KCNMA1: variants seen among roughly 807,000 people sequenced by gnomAD.
KCNMA1 encodes the protein Calcium-activated potassium channel subunit alpha-1.
A neutral mutation model predicts 140.0 loss-of-function variants in KCNMA1; 29 were observed. That is an observed-to-expected ratio of 0.21 (90% confidence interval 0.15 to 0.28). The LOEUF (loss-of-function observed/expected upper bound fraction) is 0.28. Ranked by LOEUF, KCNMA1 falls within the 10% of genes least tolerant of loss-of-function variation. The pLI, the probability that KCNMA1 is intolerant of heterozygous loss-of-function variation, is 1.00. For synonymous variants in KCNMA1, 612 were observed against 611.9 expected (o/e 1.00, Z 0.00); for missense variants, 880 against 1,602.2 (o/e 0.55, Z 7.70).
chr10:76,914,288 TC>T, intron 24 of KCNMA1: 1 of 637,608 alleles, frequency 1.6e-6, no homozygotes, highest in Non-Finnish European at 2.8e-6. Flanking sequence ...AAGAGGCCAC[TC>T]TACAGTTTTG....
Position 77,237,582 on chromosome 10 carries a change from T to A in KCNMA1, c.602+13613A>T, listed in dbSNP as rs527869700. 2.2e-4 allele frequency among the ~76,000 whole-genome samples: 33 copies of A among 152,264 alleles called. 1 individual carries two copies. In the East Asian group the frequency reaches 5.2e-3, roughly 24 times the overall value. ...AAGCCATGCTCCCACCTCAGGCTCTTGAGTAGCTGAGACTATAGGCACATA... is the reference window on the plus strand; with the variant it reads ...AAGCCATGCTCCCACCTCAGGCTCTAGAGTAGCTGAGACTATAGGCACATA... On this transcript the variant is annotated intron_variant, in intron 3 of 27. Coordinates refer to ENST00000286628, the MANE Select transcript of KCNMA1 (RefSeq NM_001161352.2).
chr10:77,132,577 T>C (rs1166364681), intron 5 of KCNMA1, among the ~76,000 whole-genome samples: 1 of 148,904 alleles, frequency 6.7e-6, no homozygotes, highest in Non-Finnish European at 1.5e-5. Context: ...CAGGCTGGAG[T>C]GCAGTGGCGC....
At chr10:77,214,295 C>T (rs1172164212) in intron 3 of KCNMA1, among the ~76,000 whole-genome samples, 2 of 152,188 alleles carry the variant, frequency 1.3e-5, no homozygotes, top group Admixed American at 1.3e-4. Flanking sequence ...TCTGCACCAT[C>T]AGGCTCAGTG....
chr10:77,570,616 T>G (rs1197256014), intron 1 of KCNMA1, among the ~76,000 whole-genome samples: 9 of 92,508 alleles, frequency 9.7e-5, no homozygotes, highest in South Asian at 4.5e-4. Context: ...AGGGATAGCA[T>G]TGGGAGATAT....
chr10:77,480,726 C>G (rs575783609), intron 1 of KCNMA1, among the ~76,000 whole-genome samples: 70 of 152,170 alleles, frequency 4.6e-4, no homozygotes, highest in Admixed American at 3.3e-3. Context: ...GCAGCTTCCC[C>G]CTCCCGGCAA....
rs151261605 is a variant in KCNMA1, at chr10:77,431,622, C to A, written c.379-27599G>T. ...GGGCTCAGCCCTAGGGCAGCTGCAACACAAATGCAGCAGCAACTGCTAGAT... is the reference window on the plus strand; with the variant it reads ...GGGCTCAGCCCTAGGGCAGCTGCAAAACAAATGCAGCAGCAACTGCTAGAT... On this transcript the variant is annotated intron_variant, in intron 1 of 27. Transcript: ENST00000286628. Among the ~76,000 whole-genome samples, 96 of 131,496 alleles carry A rather than the reference C, an allele frequency of 7.3e-4. 2 individuals are homozygous for A. The East Asian group carries it at 0.024, about 34-fold the overall frequency. The allele number at this position is 131,496 out of a possible 152,430, so 86.3% of individuals were successfully genotyped here.
intron 2 of KCNMA1, among the ~76,000 whole-genome samples, chr10:77,306,129 C>T (rs1444313087): frequency 6.6e-6 from 1 of 152,204 alleles, no homozygotes; most frequent in Non-Finnish European, 1.5e-5. Context: ...CCTCTACAAA[C>T]ATGCCCTGAG....
chr10:77,244,675 C>G (rs2058154177), intron 3 of KCNMA1, among the ~76,000 whole-genome samples: 1 of 152,212 alleles, frequency 6.6e-6, no homozygotes, highest in South Asian at 2.1e-4. Context: ...CACCTGTCTT[C>G]TCTACCAGGC....
chr10:77,423,054 C>G (rs571998266), intron 1 of KCNMA1, among the ~76,000 whole-genome samples: 1 of 152,364 alleles, frequency 6.6e-6, no homozygotes, highest in African/African-American at 2.4e-5. Context: ...AAGGAGGAAG[C>G]CACGATGTCA....
chr10:77,245,712 A>G (rs578158536), intron 3 of KCNMA1, among the ~76,000 whole-genome samples: 4 of 152,224 alleles, frequency 2.6e-5, no homozygotes, highest in African/African-American at 9.6e-5. Context: ...AGCATTTCTC[A>G]TATCTATTTC....
intron 3 of KCNMA1, chr10:77,249,289 G>C (rs921651030): frequency 2.6e-5 from 4 of 152,206 alleles, no homozygotes; most frequent in African/African-American, 9.7e-5. Context: ...AGGACATTGA[G>C]ATGGTGTAGG....
At chr10:77,012,090 A>G (rs2153454592) in intron 17 of KCNMA1, 47 bp from the exon 18 acceptor site, 1 of 1,611,828 alleles carries the variant, frequency 6.2e-7, no homozygotes, top group Non-Finnish European at 8.5e-7. Flanking sequence ...AATCCACCCA[A>G]ATGAAATGAG....
At chr10:77,439,660 AGGCAGTACTCGGAAAAG>A (rs1291356168) in intron 1 of KCNMA1, among the ~76,000 whole-genome samples, 2 of 152,170 alleles carry the variant, frequency 1.3e-5, no homozygotes, top group African/African-American at 4.8e-5. Flanking sequence ...ACAGCAGGAG[AGGCAGTACTCGGAAAAG>A]GGCAGCGGTA....
At chr10:77,449,625 A>AT (rs928824276) in intron 1 of KCNMA1, among the ~76,000 whole-genome samples, 6 of 144,130 alleles carry the variant, frequency 4.2e-5, no homozygotes, top group South Asian at 2.2e-4. Flanking sequence ...CACTTTTTCA[A>AT]TTTTTTTTTT....
intron 13 of KCNMA1, among the ~76,000 whole-genome samples, chr10:77,077,217 T>C (rs539041543): frequency 6.6e-6 from 1 of 152,310 alleles, no homozygotes; most frequent in South Asian, 2.1e-4. Context: ...AGAAGAGAGA[T>C]ATGAAAGAAC....
intron 15 of KCNMA1, among the ~76,000 whole-genome samples, chr10:77,033,236 C>T (rs2094072320): frequency 6.6e-6 from 1 of 152,106 alleles, no homozygotes; most frequent in South Asian, 2.1e-4. Context: ...AAATGACAGC[C>T]GCTAGAAATC....
intron 19 of KCNMA1, chr10:76,970,671 C>CCCT (rs1369377343): frequency 2.6e-5 from 4 of 155,364 alleles, no homozygotes; most frequent in African/African-American, 9.6e-5. Flanking sequence ...CAGCTCTTAT[C>CCCT]CCTCCAACTG....
Position 76,907,829 on chromosome 10 carries a change from C to T in KCNMA1, c.3147+2137G>A, listed in dbSNP as rs536753681. On this transcript the variant is annotated intron_variant, in intron 25 of 27. Coordinates refer to ENST00000286628, the MANE Select transcript of KCNMA1 (RefSeq NM_001161352.2). ...GTGCTGGGTTACAAGCGGTAGCCAC[C>T]GCACCCAGCCCCAAGTCTCTTTTGT... is the stretch of plus-strand genomic sequence containing the variant. Among the ~76,000 whole-genome samples, 17 of 152,282 alleles carry T rather than the reference C, an allele frequency of 1.1e-4. No homozygotes were observed. The South Asian group carries it at 1.2e-3, about 11-fold the overall frequency.
chr10:77,607,437 C>A (rs886387777), intron 1 of KCNMA1, among the ~76,000 whole-genome samples: 1 of 152,144 alleles, frequency 6.6e-6, no homozygotes, highest in Non-Finnish European at 1.5e-5. Flanking sequence ...TGACTGCGAC[C>A]TTAACTGGCA....
Sources: gnomAD v4.1 joint callset for allele counts (sites outside exome capture counted in the v4.1 genomes callset) on GRCh38, gnomAD v4.1.1 for gene constraint, MANE v1.5 for transcripts, NCBI Gene and HGNC (gene_info 2026-07-23, HGNC 2026-07-21) for gene names.